The following ADGRV1 variants were observed in gnomAD, a reference collection of about 807,000 sequenced individuals.
ADGRV1 encodes the protein G-protein coupled receptor 98.
Under a neutral mutation model 596.2 loss-of-function variants are expected in ADGRV1, and 359 were observed. The observed-to-expected ratio is 0.60, with a 90% CI of 0.55 to 0.66. ADGRV1 has a LOEUF of 0.66. Among genes scored for constraint, ADGRV1 ranks in the 30% least tolerant of loss-of-function variants. The pLI, the probability that ADGRV1 is intolerant of heterozygous loss-of-function variation, is 0.00. For missense variants in ADGRV1, 7,274 were observed against 7,575.6 expected (o/e 0.96, Z 1.48); for synonymous variants, 2,681 against 2,679.2 (o/e 1.00, Z -0.02).
At chr5:90,828,584 T>G (rs1764256660) in intron 76 of ADGRV1, among the ~76,000 whole-genome samples, 1 of 152,072 alleles carries the variant, frequency 6.6e-6, no homozygotes, top group Non-Finnish European at 1.5e-5. Context: ...TTGAGATGCA[T>G]CTGTGTTAAA....
intron 87 of ADGRV1, among the ~76,000 whole-genome samples, chr5:91,121,472 A>G (rs536938426): frequency 6.6e-6 from 1 of 152,198 alleles, no homozygotes; most frequent in African/African-American, 2.4e-5. Context: ...TGAACAGGTA[A>G]ATACATGGGG....
chr5:91,107,855 T>C (rs898260197), intron 87 of ADGRV1, among the ~76,000 whole-genome samples: 1 of 152,170 alleles, frequency 6.6e-6, no homozygotes, highest in East Asian at 1.9e-4. Context: ...AAAAGTTTAT[T>C]GAGCTCTTAT....
intron 79 of ADGRV1, among the ~76,000 whole-genome samples, chr5:90,850,531 A>G (rs1292766522): frequency 6.6e-6 from 1 of 152,186 alleles, no homozygotes; most frequent in African/African-American, 2.4e-5. Context: ...AGGCCACAGT[A>G]TGCATTTGTG....
rs879068571 is a variant in ADGRV1 at position 90,807,452 on chromosome 5, C to A, written c.14837-150C>A. The A allele has an allele frequency of 1.2e-5, 8 of 675,486 alleles. No individual in the cohort carries two copies. In the Admixed American group the frequency reaches 2.4e-4, roughly 21 times the overall value. 41.8% of individuals were successfully genotyped at this position (675,486 alleles called of 1,614,324 possible). A position where few individuals can be genotyped will look rare whatever the true frequency, so the allele number is the denominator to read the frequency against. On this transcript the variant is annotated intron_variant, in intron 72 of 89. Transcript: ENST00000405460. ...TGTGTGGTCTCCTGTAAGTTTACCT[C>A]TCCCCCGACCCCTTTTTAAAAATGT...
At chr5:90,969,505 C>T (rs1300595099) in intron 84 of ADGRV1, among the ~76,000 whole-genome samples, 1 of 152,212 alleles carries the variant, frequency 6.6e-6, no homozygotes, top group Non-Finnish European at 1.5e-5. Context: ...TCATAACAGG[C>T]TCCATAAATA....
chr5:90,752,681 C>T (rs1044695523), intron 53 of ADGRV1, among the ~76,000 whole-genome samples: 1 of 152,170 alleles, frequency 6.6e-6, no homozygotes, highest in Non-Finnish European at 1.5e-5. Flanking sequence ...CCATTCAATA[C>T]AGCAATCCCA....
intron 83 of ADGRV1, among the ~76,000 whole-genome samples, chr5:90,935,786 C>T (rs1183794397): frequency 2.0e-5 from 3 of 152,096 alleles, no homozygotes; most frequent in African/African-American, 4.8e-5. Context: ...TGAAGGCCAC[C>T]TTGATTGTGG....
At chr5:90,704,355 G>A (rs763900393) in intron 35 of ADGRV1, 34 bp from the exon 36 acceptor site, 12 of 1,274,012 alleles carry the variant, frequency 9.4e-6, no homozygotes, top group South Asian at 4.1e-5. Flanking sequence ...ATTCAATAAC[G>A]ACAGCGGGAT....
At chr5:91,043,265 C>T (rs1342600226) in intron 85 of ADGRV1, among the ~76,000 whole-genome samples, 1 of 152,144 alleles carries the variant, frequency 6.6e-6, no homozygotes, top group Admixed American at 6.5e-5. Flanking sequence ...AACTCTTTTC[C>T]AGATACAGTT....
At chr5:91,056,274 C>A (rs1413776583) in intron 85 of ADGRV1, among the ~76,000 whole-genome samples, 1 of 116,748 alleles carries the variant, frequency 8.6e-6, no homozygotes, top group South Asian at 3.1e-4. Flanking sequence ...ATGGTTTCGC[C>A]AGGATTCAGA....
At chr5:91,136,944 T>G (rs1382377637) in intron 87 of ADGRV1, among the ~76,000 whole-genome samples, 5 of 152,160 alleles carry the variant, frequency 3.3e-5, no homozygotes, top group Non-Finnish European at 1.5e-5. Context: ...GAAGTAGAAA[T>G]AATAGTCATT....
chr5:91,126,035 A>AC (rs1412310049), intron 87 of ADGRV1, among the ~76,000 whole-genome samples: 1 of 151,978 alleles, frequency 6.6e-6, no homozygotes, highest in Non-Finnish European at 1.5e-5. Context: ...TTCTGATGCA[A>AC]CCCCCACCTC....
At chr5:91,129,170 T>G (rs1186793769) in intron 87 of ADGRV1, among the ~76,000 whole-genome samples, 1 of 152,206 alleles carries the variant, frequency 6.6e-6, no homozygotes, top group Non-Finnish European at 1.5e-5. Context: ...ACAAATATGG[T>G]TAACATTTAC....
intron 42 of ADGRV1, among the ~76,000 whole-genome samples, chr5:90,715,974 C>T (rs1400874987): frequency 1.3e-5 from 2 of 152,140 alleles, no homozygotes; most frequent in Non-Finnish European, 2.9e-5. Flanking sequence ...GTGAAGGTTA[C>T]TCAGCTTGCT....
chr5:90,712,520 G>T, intron 42 of ADGRV1, 92 bp downstream of exon 42: 1 of 936,158 alleles, frequency 1.1e-6, no homozygotes, highest in Non-Finnish European at 1.6e-6. Context: ...AAGTCTTGGT[G>T]GTTTTCTGTG....
At chr5:90,610,068 T>G (rs568000601) in intron 1 of ADGRV1, among the ~76,000 whole-genome samples, 1 of 151,956 alleles carries the variant, frequency 6.6e-6, no homozygotes, top group East Asian at 1.9e-4. Flanking sequence ...TATTGAGACA[T>G]AGAAAAAAAG....
Position 90,679,591 on chromosome 5 carries a change from G to C in ADGRV1, c.5486G>C (p.Gly1829Ala), listed in dbSNP as rs758049410. The change falls in exon 26 of 90, where the codon GGG becomes GCG. Residue 1829 changes from glycine to alanine, a missense_variant. Gly to Ala is a moderately conservative substitution (Grantham distance 60). This residue lies in a region of ADGRV1 where 3,643 missense variants were observed against 3,809.2 expected (regional missense o/e 0.96). Coordinates refer to ENST00000405460, the MANE Select transcript of ADGRV1 (RefSeq NM_032119.4). ...FRVDGSGSGD[G>A]DMEFFLPTIH... is the part of the protein sequence containing the mutation. ...GTTGATGGAAGTGGTAGTGGTGATG[G>C]GGACATGGAATTCTTCCTTCCAACT... is the stretch of plus-strand genomic sequence containing the variant. 1.2e-6 allele frequency: 2 copies of C among 1,613,666 alleles called. No homozygotes were observed. Among genetic ancestry groups the C allele is most frequent in the Non-Finnish European group, 1.7e-6 (2 of 1,179,732 alleles).
At chr5:90,711,414 T>C in intron 41 of ADGRV1, 92 bp downstream of exon 41, 2 of 918,846 alleles carry the variant, frequency 2.2e-6, no homozygotes, top group Non-Finnish European at 3.1e-6. Context: ...CCCATATAAA[T>C]AAATTATTCT....
chr5:91,159,587 C>T (rs1796772847), intron 89 of ADGRV1, among the ~76,000 whole-genome samples: 1 of 152,136 alleles, frequency 6.6e-6, no homozygotes, highest in Non-Finnish European at 1.5e-5. Flanking sequence ...ACATTTCACT[C>T]TCAAAAAAGA....
Sources: allele counts gnomAD v4.1 joint callset (sites outside exome capture counted in the v4.1 genomes callset), GRCh38; gene constraint gnomAD v4.1.1; regional missense constraint gnomAD v4.1.1; transcripts MANE v1.5; gene names NCBI Gene and HGNC (gene_info 2026-07-23, HGNC 2026-07-21).